Variants in XXYLT1 observed in about 807,000 individuals in gnomAD.
XXYLT1 encodes the protein UDP-xylose:alpha-xyloside alpha-1,3-xylosyltransferase.
In XXYLT1, 20 loss-of-function variants were observed where a neutral mutation model predicts 28.9. That is an observed-to-expected ratio of 0.69 (90% CI 0.49 to 1.00). The LOEUF (loss-of-function observed/expected upper bound fraction) is 1.00. XXYLT1 is among the 50% of genes least tolerant of loss of function. The pLI is 0.00. For synonymous variants in XXYLT1, 257 were observed against 253.8 expected (o/e 1.01, Z -0.12); for missense variants, 542 against 560.1 (o/e 0.97, Z 0.33).
At chr3:195,246,524 G>A (rs991274652) in intron 1 of XXYLT1, among the ~76,000 whole-genome samples, 2 of 152,234 alleles carry the variant, frequency 1.3e-5, no homozygotes, top group Admixed American at 1.3e-4. Flanking sequence ...GAGGAACTAT[G>A]GCAAACCAGC....
At chr3:195,084,193 G>C (rs1715598162) in intron 3 of XXYLT1, among the ~76,000 whole-genome samples, 1 of 152,172 alleles carries the variant, frequency 6.6e-6, no homozygotes. Flanking sequence ...GGTCCGGCTG[G>C]TAAGGCAGAA....
chr3:195,187,409 C>T (rs946077310), intron 2 of XXYLT1, among the ~76,000 whole-genome samples: 1 of 152,134 alleles, frequency 6.6e-6, no homozygotes, highest in Non-Finnish European at 1.5e-5. Flanking sequence ...CTTCTGTGTC[C>T]CTTCTCTTGA....
chr3:195,203,757 G>C (rs1231722248), intron 2 of XXYLT1, among the ~76,000 whole-genome samples: 1 of 152,182 alleles, frequency 6.6e-6, no homozygotes. Flanking sequence ...TGCTGGGACT[G>C]TCATCCTCCA....
At position 195,255,106 on chromosome 3, in the gene XXYLT1, C is replaced by T. The variant is rs981558844; in HGVS notation, c.504+15449G>A. On this transcript the variant is annotated intron_variant, in intron 1 of 3. Transcript: ENST00000310380. This position sits in a 1 kb window ranked among gnomAD's most constrained non-coding sequence, Gnocchi z 4.5. Reference sequence around the variant, plus strand: ...CTGCGGACAGAGCAGGGGATAACAGCAGCATCAGAAAGACCCATAAGGCCA... The same window carrying T: ...CTGCGGACAGAGCAGGGGATAACAGTAGCATCAGAAAGACCCATAAGGCCA... Among the ~76,000 whole-genome samples, 1 of 152,234 alleles carries T rather than the reference C, an allele frequency of 6.6e-6. No individual in the cohort carries two copies. The highest frequency in any genetic ancestry group is 2.4e-5 in the African/African-American group (1 of 41,458).
At chr3:195,135,388 T>A (rs1056596245) in intron 3 of XXYLT1, among the ~76,000 whole-genome samples, 1 of 152,164 alleles carries the variant, frequency 6.6e-6, no homozygotes, top group African/African-American at 2.4e-5. Context: ...TATCTTTCCA[T>A]CCCCTTATCA....
chr3:195,087,190 A>AC (rs1715780324), intron 3 of XXYLT1: 1 of 152,340 alleles, frequency 6.6e-6, no homozygotes, highest in Non-Finnish European at 1.5e-5. Context: ...GCTCCTCTGG[A>AC]CACAGCCGGC....
intron 1 of XXYLT1, among the ~76,000 whole-genome samples, chr3:195,235,320 G>A (rs1724489175): frequency 6.6e-6 from 1 of 152,118 alleles, no homozygotes; most frequent in Non-Finnish European, 1.5e-5. Context: ...TCTTCAGTAA[G>A]TCAATTGCAT....
intron 2 of XXYLT1, among the ~76,000 whole-genome samples, chr3:195,159,494 T>A (rs1720762046): frequency 6.6e-6 from 1 of 152,192 alleles, no homozygotes; most frequent in South Asian, 2.1e-4. Context: ...CATTGTGTAA[T>A]GGACCAAAGG....
chr3:195,236,911 G>A lies in XXYLT1; in HGVS notation c.505-10055C>T, dbSNP rs570518236. Among the ~76,000 whole-genome samples, 4 of 152,216 alleles carry A rather than the reference G, an allele frequency of 2.6e-5. No individual in the cohort carries two copies. In the East Asian group the frequency reaches 5.8e-4, roughly 22 times the overall value. On this transcript the variant is annotated intron_variant, in intron 1 of 3. Coordinates refer to ENST00000310380, the MANE Select transcript of XXYLT1 (RefSeq NM_152531.5). ...CATCTAAGATCTAGGGCATGGAATG[G>A]GGGCCTCATGACTCTGCCTGGTGCC...
chr3:195,096,439 G>A (rs1033299022), intron 3 of XXYLT1, among the ~76,000 whole-genome samples: 1 of 152,178 alleles, frequency 6.6e-6, no homozygotes, highest in Admixed American at 6.5e-5. Context: ...ATGCCCATGT[G>A]CACTTACATA....
intron 1 of XXYLT1, among the ~76,000 whole-genome samples, chr3:195,229,102 G>A (rs1010798935): frequency 6.6e-6 from 1 of 152,090 alleles, no homozygotes; most frequent in Non-Finnish European, 1.5e-5. Flanking sequence ...ATGAGCCACC[G>A]CGCCCGGCCT....
chr3:195,124,824 G>A lies in XXYLT1; in HGVS notation c.785+31625C>T, dbSNP rs1718534346. Among the ~76,000 whole-genome samples the A allele has an allele frequency of 2.0e-5, 3 of 152,136 alleles. No individual in the cohort carries two copies. Among genetic ancestry groups the A allele is most frequent in the Admixed American group, 1.3e-4 (2 of 15,264 alleles). ...CCAAGCAGCGTACGGACAGGGGCTG[G>A]CTCCGGGAAGGCTGGAGTCTGAGCC... is the stretch of plus-strand genomic sequence containing the variant. On this transcript the variant is annotated intron_variant, in intron 3 of 3. Coordinates refer to ENST00000310380, the MANE Select transcript of XXYLT1 (RefSeq NM_152531.5). This position sits in a 1 kb window ranked among gnomAD's most constrained non-coding sequence, Gnocchi z 4.1.
chr3:195,142,330 G>A (rs954667136), intron 3 of XXYLT1, among the ~76,000 whole-genome samples: 1 of 152,184 alleles, frequency 6.6e-6, no homozygotes, highest in Non-Finnish European at 1.5e-5. Context: ...TGGGCAGGCA[G>A]ATCTAGAAAA....
chr3:195,131,724 TG>T (rs1718915637), intron 3 of XXYLT1, among the ~76,000 whole-genome samples: 1 of 152,206 alleles, frequency 6.6e-6, no homozygotes. Context: ...CAAACCTCTA[TG>T]GTAAATGTTT....
At chr3:195,083,633 A>C (rs570226662) in intron 3 of XXYLT1, among the ~76,000 whole-genome samples, 2 of 152,326 alleles carry the variant, frequency 1.3e-5, no homozygotes, top group African/African-American at 4.8e-5. Context: ...CATTCACAGG[A>C]ATCATTACCC....
intron 1 of XXYLT1, among the ~76,000 whole-genome samples, chr3:195,235,640 T>G (rs1157929762): frequency 6.6e-6 from 1 of 152,174 alleles, no homozygotes; most frequent in Non-Finnish European, 1.5e-5. Flanking sequence ...AGTCTGGGTT[T>G]GTTTGTACTC....
chr3:195,161,347 A>G (rs1469604526), intron 2 of XXYLT1, among the ~76,000 whole-genome samples: 2 of 152,196 alleles, frequency 1.3e-5, no homozygotes, highest in Non-Finnish European at 2.9e-5. Flanking sequence ...GCCTTCGGAC[A>G]TCTCTGAAGT....
intron 2 of XXYLT1, among the ~76,000 whole-genome samples, chr3:195,199,578 T>C (rs1722766973): frequency 6.6e-6 from 1 of 151,756 alleles, no homozygotes; most frequent in African/African-American, 2.4e-5. Context: ...ACCACTGCAC[T>C]CCAGCCTGGG....
intron 1 of XXYLT1, among the ~76,000 whole-genome samples, chr3:195,246,535 AG>A (rs1158693660): frequency 6.6e-6 from 1 of 152,240 alleles, no homozygotes; most frequent in Admixed American, 6.5e-5. Context: ...GCAAACCAGC[AG>A]GATGGAGCCA....
Sources: allele counts gnomAD v4.1 joint callset (sites outside exome capture counted in the v4.1 genomes callset), GRCh38; gene constraint gnomAD v4.1.1; non-coding constraint Gnocchi (gnomAD v3.1); transcripts MANE v1.5; gene names NCBI Gene and HGNC (gene_info 2026-07-23, HGNC 2026-07-21).